The following ZBTB7C variants were observed in gnomAD, a reference collection of about 807,000 sequenced individuals.
ZBTB7C encodes zinc finger and BTB domain containing 7C.
Under a neutral mutation model 25.7 loss-of-function variants are expected in ZBTB7C, and 8 were observed. The ratio of observed to expected loss-of-function variants is 0.31; its 90% CI spans 0.18 to 0.56. The LOEUF (loss-of-function observed/expected upper bound fraction) is 0.56. ZBTB7C is among the 20% of genes least tolerant of loss of function. The probability of loss-of-function intolerance (pLI) is 0.91; values close to 1 mark genes in which losing one functional copy is unlikely to be tolerated. For synonymous variants in ZBTB7C, 394 were observed against 369.0 expected (o/e 1.07, Z -0.78); for missense variants, 824 against 855.2 (o/e 0.96, Z 0.46).
At chr18:48,099,458 TA>T (rs780208677) in intron 3 of ZBTB7C, among the ~76,000 whole-genome samples, 6 of 152,244 alleles carry the variant, frequency 3.9e-5, no homozygotes, top group Non-Finnish European at 5.9e-5. Context: ...AATATCTAGC[TA>T]GTATTTAAGT....
intron 2 of ZBTB7C, among the ~76,000 whole-genome samples, chr18:48,207,655 T>C (rs1447755916): frequency 6.6e-6 from 1 of 151,300 alleles, no homozygotes; most frequent in Non-Finnish European, 1.5e-5. Context: ...GATTTCCCTA[T>C]GTTGCCCAGG....
At chr18:48,156,622 A>G (rs916366728) in intron 3 of ZBTB7C, among the ~76,000 whole-genome samples, 1 of 152,182 alleles carries the variant, frequency 6.6e-6, no homozygotes, top group Non-Finnish European at 1.5e-5. Context: ...ATCAAAGTTA[A>G]TTCTGTATAC....
chr18:48,342,025 G>C (rs1373194913), intron 1 of ZBTB7C, among the ~76,000 whole-genome samples: 1 of 152,224 alleles, frequency 6.6e-6, no homozygotes, highest in Non-Finnish European at 1.5e-5. Flanking sequence ...ACCCAGGAAA[G>C]AGGTGCAGAA....
chr18:48,372,910 G>C (rs1023666102), intron 1 of ZBTB7C, among the ~76,000 whole-genome samples: 5 of 152,010 alleles, frequency 3.3e-5, no homozygotes, highest in African/African-American at 9.7e-5. Context: ...TCAATACCCA[G>C]CTTACATGTC....
chr18:48,217,409 GC>G (rs2042850678), intron 2 of ZBTB7C, among the ~76,000 whole-genome samples: 1 of 152,120 alleles, frequency 6.6e-6, no homozygotes, highest in Non-Finnish European at 1.5e-5. Context: ...GGCCTCTCCT[GC>G]AGCGTAAGCA....
chr18:48,151,018 T>C (rs899792553), intron 3 of ZBTB7C, among the ~76,000 whole-genome samples: 2 of 152,184 alleles, frequency 1.3e-5, no homozygotes, highest in African/African-American at 4.8e-5. Flanking sequence ...AATCTGCATT[T>C]TTCACAGATC....
intron 3 of ZBTB7C, among the ~76,000 whole-genome samples, chr18:48,054,452 C>T (rs755373248): frequency 6.6e-6 from 1 of 152,086 alleles, no homozygotes; most frequent in Non-Finnish European, 1.5e-5. Flanking sequence ...AGTCACATGC[C>T]GAGGACTCAT....
rs189708298 is a variant in ZBTB7C at position 48,248,377 on chromosome 18, T to C, written c.-78-62382A>G. Among the ~76,000 whole-genome samples the C allele has an allele frequency of 1.3e-3, 194 of 152,294 alleles. 1 individual carries two copies. Among genetic ancestry groups the C allele is most frequent in the African/African-American group, 4.5e-3 (185 of 41,556 alleles). On this transcript the variant is annotated intron_variant, in intron 2 of 4. Transcript: ENST00000590800. ...ACTAATACACTCAGGATGCCACATATGTTCCCATCTCAGGGCCTTTGCACT... is the reference window on the plus strand; with the variant it reads ...ACTAATACACTCAGGATGCCACATACGTTCCCATCTCAGGGCCTTTGCACT...
intron 3 of ZBTB7C, among the ~76,000 whole-genome samples, chr18:48,155,163 T>A (rs1382160449): frequency 2.0e-5 from 3 of 152,094 alleles, no homozygotes; most frequent in African/African-American, 7.2e-5. Context: ...CCCAAGGAAG[T>A]GTGCTGGGGT....
chr18:48,221,591 TCAGTCTCCTCTATACTGTCC>T (rs1201003595), intron 2 of ZBTB7C, among the ~76,000 whole-genome samples: 6 of 134,744 alleles, frequency 4.5e-5, no homozygotes, highest in Non-Finnish European at 8.0e-5. Flanking sequence ...CTATACTGTC[TCAGTCTCCTCTATACTGTCC>T]CAGTCTCCTC....
At chr18:48,100,889 C>T (rs1240249491) in intron 3 of ZBTB7C, among the ~76,000 whole-genome samples, 2 of 98,984 alleles carry the variant, frequency 2.0e-5, no homozygotes, top group Non-Finnish European at 4.6e-5. Flanking sequence ...GAGGGCCCTG[C>T]CTGTAGGGGC....
chr18:48,402,282 T>C (rs1234107834), intron 1 of ZBTB7C, among the ~76,000 whole-genome samples: 5 of 150,140 alleles, frequency 3.3e-5, no homozygotes, highest in African/African-American at 1.2e-4. Flanking sequence ...AAAAAAAAGG[T>C]TACTTAATGG....
intron 3 of ZBTB7C, among the ~76,000 whole-genome samples, chr18:48,094,112 G>C (rs142643536): frequency 3.9e-5 from 6 of 152,260 alleles, no homozygotes; most frequent in East Asian, 1.9e-4. Context: ...AAACCCAAAG[G>C]GTGGCTAATT....
At chr18:48,073,472 G>C (rs146615005) in intron 3 of ZBTB7C, among the ~76,000 whole-genome samples, 2 of 152,108 alleles carry the variant, frequency 1.3e-5, no homozygotes, top group Non-Finnish European at 2.9e-5. Flanking sequence ...TTGGGTGTGG[G>C]GTGCAGGAAA....
At chr18:48,115,168 C>T (rs2039386566) in intron 3 of ZBTB7C, among the ~76,000 whole-genome samples, 1 of 152,082 alleles carries the variant, frequency 6.6e-6, no homozygotes, top group South Asian at 2.1e-4. Flanking sequence ...TAGAATCATA[C>T]CATATTTGTT....
intron 2 of ZBTB7C, among the ~76,000 whole-genome samples, chr18:48,262,497 C>T (rs1384088908): frequency 6.6e-6 from 1 of 152,132 alleles, no homozygotes; most frequent in Admixed American, 6.5e-5. Context: ...AAGACAAACA[C>T]CAGGCAGTAT....
intron 1 of ZBTB7C, among the ~76,000 whole-genome samples, chr18:48,377,910 G>A (rs745530755): frequency 1.3e-5 from 2 of 152,122 alleles, no homozygotes; most frequent in South Asian, 2.1e-4. Flanking sequence ...GGTGGCTCAC[G>A]CCTGTAATCC....
chr18:48,381,555 G>A (rs1298275822), intron 1 of ZBTB7C, among the ~76,000 whole-genome samples: 1 of 152,184 alleles, frequency 6.6e-6, no homozygotes, highest in Non-Finnish European at 1.5e-5. Context: ...GGAAGAGTGT[G>A]TACACAGTCA....
chr18:48,188,267 T>C (rs2042111954), intron 2 of ZBTB7C, among the ~76,000 whole-genome samples: 1 of 151,660 alleles, frequency 6.6e-6, no homozygotes, highest in Non-Finnish European at 1.5e-5. Context: ...GAGAGAGGTT[T>C]AATTGACTCA....
Sources: gnomAD v4.1 joint callset for allele counts (sites outside exome capture counted in the v4.1 genomes callset) on GRCh38, gnomAD v4.1.1 for gene constraint, MANE v1.5 for transcripts, NCBI Gene and HGNC (gene_info 2026-07-23, HGNC 2026-07-21) for gene names.